The following LRP1 variants were observed in gnomAD, a reference collection of about 807,000 sequenced individuals.
LRP1 encodes prolow-density lipoprotein receptor-related protein 1.
Under a neutral mutation model 541.5 loss-of-function variants are expected in LRP1, and 51 were observed. The observed-to-expected ratio is 0.09, with a 90% CI of 0.08 to 0.12. LRP1 has a LOEUF of 0.12. LRP1 is among the 10% of genes least tolerant of loss of function. The probability of loss-of-function intolerance (pLI) is 1.00; values close to 1 mark genes in which losing one functional copy is unlikely to be tolerated. For synonymous variants in LRP1, 2,219 were observed against 2,470.8 expected (o/e 0.90, Z 3.02); for missense variants, 3,878 against 6,376.2 (o/e 0.61, Z 13.34).
Position 57,178,556 on chromosome 12 carries a change from C to A in LRP1, c.4559C>A (p.Thr1520Asn), listed in dbSNP as rs1313288074. ...GTCACCGTGGTACAGAGGACCAACA[C>A]CCAGCCCTTTGACCTGCAGGTGTAC... ...HNVTVVQRTN[T>N]QPFDLQVYHP... The change falls in exon 27 of 89, where the codon ACC becomes AAC. Residue 1520 changes from threonine to asparagine, a missense_variant. This residue lies in a region of LRP1 where 54 missense variants were observed against 167.7 expected (regional missense o/e 0.32). Transcript: ENST00000243077. This position sits in a 1 kb window ranked among gnomAD's most constrained non-coding sequence, Gnocchi z 5.8. 1 of 1,614,092 alleles carries A rather than the reference C, an allele frequency of 6.2e-7. No individual in the cohort carries two copies. The highest frequency in any genetic ancestry group is 8.5e-7 in the Non-Finnish European group (1 of 1,180,038).
At chr12:57,180,206 G>C (rs535573850) in intron 31 of LRP1, 65 bp downstream of exon 31, 8 of 1,582,664 alleles carry the variant, frequency 5.1e-6, no homozygotes, top group Non-Finnish European at 6.9e-6. Context: ...GTGCTTGCAG[G>C]GTCCTTCAGT....
chr12:57,197,366 C>A lies in LRP1; in HGVS notation c.9144C>A (p.Asn3048Lys), dbSNP rs1592653640. ...GCAAGCTCAACCTGGACGGGTCCAACTACACGTTACTTAAGCAGGTACCAA... is the reference window on the plus strand; with the variant it reads ...GCAAGCTCAACCTGGACGGGTCCAAATACACGTTACTTAAGCAGGTACCAA... ...YLRKLNLDGS[N>K]YTLLKQGLNN... The change falls in exon 57 of 89, where the codon AAC becomes AAA. Residue 3048 changes from asparagine (N) to lysine (K), a missense_variant. Coordinates refer to ENST00000243077, the MANE Select transcript of LRP1 (RefSeq NM_002332.3). This position sits in a 1 kb window ranked among gnomAD's most constrained non-coding sequence, Gnocchi z 4.5. 7 of 1,613,290 alleles carry A rather than the reference C, an allele frequency of 4.3e-6. No homozygotes were observed. The South Asian group carries it at 4.4e-5, about 10-fold the overall frequency.
chr12:57,201,944 C>T lies in LRP1; in HGVS notation c.10594+39C>T, dbSNP rs1565751891. On this transcript the variant is annotated intron_variant, in intron 67 of 88. Transcript: ENST00000243077. The surrounding 1 kb of genome is among the most constrained non-coding windows in gnomAD (Gnocchi z 6.4). ...CCACTCCAGGAGGAAGACAGTCTAC[C>T]TGGGTGGGAGGCATGGCACCCCTGG... 4 of 1,611,448 alleles carry T rather than the reference C, an allele frequency of 2.5e-6. No homozygotes were observed. The highest frequency in any genetic ancestry group is 1.1e-5 in the South Asian group (1 of 90,936).
In LRP1 at chr12:57,128,649, C is replaced by G. The variant is rs1045475601; in HGVS notation, c.-316C>G. On this transcript the variant is annotated 5_prime_UTR_variant, in exon 1 of 89. Coordinates refer to ENST00000243077, the MANE Select transcript of LRP1 (RefSeq NM_002332.3). ...CCTCCCAATTGTGCATTTTTGCAGC[C>G]GGAGGCGGCTCCGAGATGGGGCTGT... 5.6e-5 allele frequency: 23 copies of G among 413,252 alleles called. No homozygotes were observed. Among genetic ancestry groups the G allele is most frequent in the African/African-American group, 4.1e-4 (20 of 49,074 alleles). The allele number at this position is 413,252 out of a possible 1,614,324, so 25.6% of individuals were successfully genotyped here.
intron 34 of LRP1, among the ~76,000 whole-genome samples, chr12:57,182,104 C>G (rs2036176776): frequency 6.6e-6 from 1 of 151,120 alleles, no homozygotes; most frequent in South Asian, 2.1e-4. Context: ...ATTTTTTTTT[C>G]ACTGAGTCTG....
At chr12:57,130,620 A>G (rs2035019154) in intron 1 of LRP1, among the ~76,000 whole-genome samples, 1 of 152,224 alleles carries the variant, frequency 6.6e-6, no homozygotes, top group Middle Eastern at 3.4e-3. Context: ...AGGAATAGAA[A>G]AAAAATTTGA....
At chr12:57,149,441 T>C in intron 6 of LRP1, 1 of 584,346 alleles carries the variant, frequency 1.7e-6, no homozygotes, top group Non-Finnish European at 3.0e-6. Context: ...CTCCTTGAAA[T>C]TGCCTCTCCA....
Position 57,156,988 on chromosome 12 carries a change from C to G in LRP1, c.1561+68C>G. 1.4e-6 allele frequency: 2 copies of G among 1,468,528 alleles called. No homozygotes were observed. The highest frequency in any genetic ancestry group is 9.1e-7 in the Non-Finnish European group (1 of 1,101,304). 91.0% of individuals were successfully genotyped at this position (1,468,528 alleles called of 1,614,324 possible). A position where few individuals can be genotyped will look rare whatever the true frequency, so the allele number is the denominator to read the frequency against. On this transcript the variant is annotated intron_variant, in intron 10 of 88. Transcript: ENST00000243077. This position sits in a 1 kb window ranked among gnomAD's most constrained non-coding sequence, Gnocchi z 5.2. ...GGGAGGGTTCCTCAGGTGTCCCCCA[C>G]AGCCCGGCTGCCTCTGTCTGACATG...
chr12:57,188,416 C>A (rs569103577), intron 42 of LRP1, among the ~76,000 whole-genome samples: 14 of 152,348 alleles, frequency 9.2e-5, no homozygotes, highest in South Asian at 4.1e-4. Flanking sequence ...AGATTCCCCC[C>A]ACCAGTCCCC....
In LRP1 at chr12:57,198,207, G is replaced by A; in HGVS notation, c.9334G>A (p.Val3112Met). 1 of 1,613,404 alleles carries A rather than the reference G, an allele frequency of 6.2e-7. No homozygotes were observed. The highest frequency in any genetic ancestry group is 8.5e-7 in the Non-Finnish European group (1 of 1,179,878). Residue 3112 changes from valine (V) to methionine (M), a missense_variant, in exon 59 of 89, where the codon GTG (valine) becomes ATG (methionine). This residue lies in a region of LRP1 where 1,100 missense variants were observed against 1,827.4 expected (regional missense o/e 0.60). Coordinates refer to ENST00000243077, the MANE Select transcript of LRP1 (RefSeq NM_002332.3). The part of the protein sequence containing the change: ...SNPDGLAVDW[V>M]GGNLYWCDKG... ...CCCCGATGGGCTGGCTGTGGACTGG[G>A]TGGGTGGCAACCTGTACTGGTGCGA...
In LRP1 at chr12:57,205,648, T is replaced by C; in HGVS notation, c.11561T>C (p.Met3854Thr). The C allele has an allele frequency of 6.2e-7, 1 of 1,612,878 alleles. No homozygotes were observed. The highest frequency in any genetic ancestry group is 8.5e-7 in the Non-Finnish European group (1 of 1,180,012). The change falls in exon 75 of 89, where the codon ATG becomes ACG. Residue 3854 changes from methionine to threonine, a missense_variant. Around this residue, in one of 13 missense-constraint regions of LRP1, gnomAD observed 871 missense variants for 1,212.4 expected, o/e 0.72. Transcript: ENST00000243077. The surrounding 1 kb of genome is among the most constrained non-coding windows in gnomAD (Gnocchi z 4.6). ...GHLCSCARNF[M>T]KTHNTCKAEG... is the part of the protein sequence containing the mutation. ...CTCTGCAGCTGCGCTCGGAACTTCATGAAGACGCACAACACCTGCAAGGCC... is the reference window on the plus strand; with the variant it reads ...CTCTGCAGCTGCGCTCGGAACTTCACGAAGACGCACAACACCTGCAAGGCC...
In LRP1 at chr12:57,205,428, G is replaced by A; in HGVS notation, c.11413G>A (p.Ala3805Thr). ...ACGCTGCGTGCGCACCGAGAAAGCG[G>A]CCTACTGTGCCTGCCGCTCGGGCTT... Reference protein sequence around the residue: ...EARCVRTEKAAYCACRSGFHT... With the variant: ...EARCVRTEKATYCACRSGFHT... Residue 3805 changes from alanine (A) to threonine (T), a missense_variant, in exon 74 of 89, where the codon GCC becomes ACC. By Grantham distance (58) the Ala-to-Thr change is moderately conservative (BLOSUM62 0). This residue lies in a region of LRP1 where 871 missense variants were observed against 1,212.4 expected (regional missense o/e 0.72). Transcript: ENST00000243077. This position sits in a 1 kb window ranked among gnomAD's most constrained non-coding sequence, Gnocchi z 4.6. 1 of 1,610,074 alleles carries A rather than the reference G, an allele frequency of 6.2e-7. No individual in the cohort carries two copies.
In LRP1 at chr12:57,175,566, C is replaced by T. The variant is rs375753319; in HGVS notation, c.3654C>T (p.Asn1218=). ...TGGGCATGGAGCTGGGGCCCGACAACCACACCTGCCAGATCCAGAGCTACT... is the reference window on the plus strand; with the variant it reads ...TGGGCATGGAGCTGGGGCCCGACAATCACACCTGCCAGATCCAGAGCTACT... The part of the protein sequence containing the change: ...CPLGMELGPD[N]HTCQIQSYCA... Residue 1218 remains asparagine, a synonymous_variant, in exon 23 of 89, where the codon AAC becomes AAT. Transcript: ENST00000243077. 3 of 1,614,030 alleles carry T rather than the reference C, an allele frequency of 1.9e-6. No homozygotes were observed. In the African/African-American group the frequency reaches 4.0e-5, roughly 22 times the overall value.
At position 57,173,334 on chromosome 12, in the gene LRP1, T is replaced by C. The variant is rs776167580; in HGVS notation, c.3330T>C (p.Phe1110=). Residue 1110 remains phenylalanine (F), a synonymous_variant, in exon 21 of 89, where the codon TTT becomes TTC. Transcript: ENST00000243077. This position sits in a 1 kb window ranked among gnomAD's most constrained non-coding sequence, Gnocchi z 4.7. The part of the protein sequence containing the change: ...VTHVCDPSVK[F]GCKDSARCIS... ...ACGTCTGCGATCCCAGTGTCAAGTTTGGCTGCAAGGACTCAGGTGAAGAGG... is the reference window on the plus strand; with the variant it reads ...ACGTCTGCGATCCCAGTGTCAAGTTCGGCTGCAAGGACTCAGGTGAAGAGG... 6.2e-7 allele frequency: 1 copy of C among 1,613,506 alleles called. No individual in the cohort carries two copies. Among genetic ancestry groups the C allele is most frequent in the East Asian group, 2.2e-5 (1 of 44,862 alleles).
intron 68 of LRP1, 131 bp downstream of exon 68, chr12:57,202,668 A>G: frequency 1.5e-6 from 1 of 653,696 alleles, no homozygotes. Context: ...CGCCCTCCTC[A>G]CCCATCCCAC....
chr12:57,134,206 C>T (rs1479057902), intron 1 of LRP1, among the ~76,000 whole-genome samples: 5 of 152,186 alleles, frequency 3.3e-5, no homozygotes, highest in Non-Finnish European at 7.3e-5. Context: ...CGAGAACAGA[C>T]GGCCCCTGTG....
At position 57,189,615 on chromosome 12, in the gene LRP1, G is replaced by A. The variant is rs2036336126; in HGVS notation, c.7032-1190G>A. 6.6e-6 allele frequency among the ~76,000 whole-genome samples: 1 copy of A among 152,048 alleles called. No individual in the cohort carries two copies. Among genetic ancestry groups the A allele is most frequent in the Non-Finnish European group, 1.5e-5 (1 of 68,014 alleles). ...GGAGACGCTGGGGGTGGGCAAGAAG[G>A]GTGTGACCTGGAGAGGTCTGAGGAG... On this transcript the variant is annotated intron_variant, in intron 42 of 88. Coordinates refer to ENST00000243077, the MANE Select transcript of LRP1 (RefSeq NM_002332.3). The surrounding 1 kb of genome is among the most constrained non-coding windows in gnomAD (Gnocchi z 4.4).
At chr12:57,196,353 C>A in intron 55 of LRP1, 76 bp downstream of exon 55, 3 of 1,321,662 alleles carry the variant, frequency 2.3e-6, no homozygotes, top group African/African-American at 1.5e-5. Context: ...CTTATTCATT[C>A]ATTCATCCCC....
chr12:57,183,242 T>G lies in LRP1; in HGVS notation c.5663-137T>G. 1.0e-6 allele frequency: 1 copy of G among 958,950 alleles called. No homozygotes were observed. The highest frequency in any genetic ancestry group is 1.5e-6 in the Non-Finnish European group (1 of 647,266). 59.4% of individuals were successfully genotyped at this position (958,950 alleles called of 1,614,324 possible). The stretch of plus-strand genomic sequence containing the variant: ...TGCTCTGGCCTCAGGCTAGGGTGTG[T>G]GTGCTGGGTGGAGGATAGGGATGAT... On this transcript the variant is annotated intron_variant, in intron 34 of 88. Transcript: ENST00000243077. This position sits in a 1 kb window ranked among gnomAD's most constrained non-coding sequence, Gnocchi z 6.1.
Sources: gnomAD v4.1 joint callset for allele counts (sites outside exome capture counted in the v4.1 genomes callset) on GRCh38, gnomAD v4.1.1 for gene constraint, gnomAD v4.1.1 regional missense constraint, Gnocchi (gnomAD v3.1) non-coding constraint, MANE v1.5 for transcripts, NCBI Gene and HGNC (gene_info 2026-07-23, HGNC 2026-07-21) for gene names.